The following KPNB1 variants were observed in gnomAD, a reference collection of about 807,000 sequenced individuals.
KPNB1 encodes the protein importin subunit beta-1.
Under a neutral mutation model 113.0 loss-of-function variants are expected in KPNB1, and 7 were observed. That is an observed-to-expected ratio of 0.06 (90% confidence interval 0.04 to 0.12). The LOEUF (loss-of-function observed/expected upper bound fraction) is 0.12, where lower values mean the gene tolerates loss of function less well. Among genes scored for constraint, KPNB1 ranks in the 10% least tolerant of loss-of-function variants. The probability of loss-of-function intolerance (pLI) is 1.00; values close to 1 mark genes in which losing one functional copy is unlikely to be tolerated. For synonymous variants in KPNB1, 363 were observed against 378.6 expected (o/e 0.96, Z 0.48); for missense variants, 400 against 1,054.8 (o/e 0.38, Z 8.60).
intron 9 of KPNB1, 70 bp from the exon 10 acceptor site, chr17:47,668,116 G>A (rs373279832): frequency 1.5e-5 from 19 of 1,235,648 alleles, no homozygotes; most frequent in African/African-American, 1.5e-4. Flanking sequence ...TTCAAGAGTA[G>A]TCAGAGGACC....
At chr17:47,680,196 GAGT>G in intron 20 of KPNB1, 62 bp downstream of exon 20, 1 of 1,186,688 alleles carries the variant, frequency 8.4e-7, no homozygotes, top group Middle Eastern at 1.9e-4. Context: ...AGAAAACATG[GAGT>G]AAGGAGTTTT....
At chr17:47,677,472 C>CAAAAAAAAAAAAAAAAAAAAAAAAAAAA (rs746941632) in intron 17 of KPNB1, among the ~76,000 whole-genome samples, 1 of 53,264 alleles carries the variant, frequency 1.9e-5, no homozygotes, top group African/African-American at 6.8e-5. Context: ...AACTCCGTCT[C>CAAAAAAAAAAAAAAAAAAAAAAAAAAAA]AAAAAAAAAA....
chr17:47,663,205 A>G, intron 7 of KPNB1, 27 bp downstream of exon 7: 1 of 1,178,870 alleles, frequency 8.5e-7, no homozygotes, highest in Non-Finnish European at 1.3e-6. Flanking sequence ...ATGTGATTTG[A>G]GCTTGTGGCT....
At position 47,684,017 on chromosome 17, in the gene KPNB1, C is replaced by G. The variant is rs1413564326; in HGVS notation, c.*1613C>G. The stretch of plus-strand genomic sequence containing the variant: ...GAGCTTTGATCCTCTTTTGGTTTTG[C>G]AGTTGTTAGGAGTTTTTGCTGGCAT... On this transcript the variant is annotated 3_prime_UTR_variant, in exon 22 of 22. Coordinates refer to ENST00000290158, the MANE Select transcript of KPNB1 (RefSeq NM_002265.6). 1 of 152,090 alleles carries G rather than the reference C, an allele frequency of 6.6e-6. No individual in the cohort carries two copies. The highest frequency in any genetic ancestry group is 1.5e-5 in the Non-Finnish European group (1 of 68,004). The allele number at this position is 152,090 out of a possible 1,614,324, so 9.4% of individuals were successfully genotyped here.
Position 47,656,879 on chromosome 17 carries a change from C to T in KPNB1, c.302C>T (p.Thr101Ile), listed in dbSNP as rs762212209. The T allele has an allele frequency of 6.2e-7, 1 of 1,614,102 alleles. No individual in the cohort carries two copies. Among genetic ancestry groups the T allele is most frequent in the Non-Finnish European group, 8.5e-7 (1 of 1,180,026 alleles). The change falls in exon 4 of 22, where the codon ACA (threonine) becomes ATA (isoleucine). Residue 101 changes from threonine to isoleucine, a missense_variant. Physicochemically the swap from Thr to Ile is moderately conservative, Grantham distance 89 (BLOSUM62 -1). Around this residue, in one of 2 missense-constraint regions of KPNB1, gnomAD observed 285 missense variants for 627.0 expected, o/e 0.45. Transcript: ENST00000290158. ...VKNYVLQTLG[T>I]ETYRPSSASQ... ...GTGCAGGTTTTGCAGACATTGGGTA[C>T]AGAAACTTACCGGCCTAGTTCTGCC...
chr17:47,664,989 C>T (rs2030223687), intron 8 of KPNB1, 68 bp from the exon 9 acceptor site: 1 of 1,082,854 alleles, frequency 9.2e-7, no homozygotes, highest in South Asian at 1.2e-5. Flanking sequence ...CTGTTCGGCT[C>T]TCATTGTATG....
chr17:47,665,980 GTGTTTGGATTAAAATGAAC>G (rs991329164), intron 9 of KPNB1, among the ~76,000 whole-genome samples: 9 of 152,190 alleles, frequency 5.9e-5, no homozygotes, highest in Admixed American at 5.9e-4. Context: ...AAGTAGGGAT[GTGTTTGGATTAAAATGAAC>G]TGGGTGTTCC....
chr17:47,681,231 G>A (rs951415821), intron 21 of KPNB1, among the ~76,000 whole-genome samples: 2 of 149,912 alleles, frequency 1.3e-5, no homozygotes, highest in Non-Finnish European at 3.0e-5. Flanking sequence ...CACCACACCC[G>A]ACTAATTTTC....
chr17:47,681,637 A>G (rs186370789), intron 21 of KPNB1, among the ~76,000 whole-genome samples: 19 of 135,460 alleles, frequency 1.4e-4, no homozygotes, highest in Admixed American at 8.3e-4. Flanking sequence ...TGAACTCCTG[A>G]TTTTAGGTGA....
rs560543684 is a variant in KPNB1 at position 47,683,159 on chromosome 17, G to GT, written c.*767dup. ...AAAGACGCTCTTTAGGTTTTGTTTTGTTTTTTTTTTTTGGTTTTGTTTTTT... is the reference window on the plus strand; with the variant it reads ...AAAGACGCTCTTTAGGTTTTGTTTTGTTTTTTTTTTTTTGGTTTTGTTTTTT... On this transcript the variant is annotated 3_prime_UTR_variant, in exon 22 of 22. Transcript: ENST00000290158. 0.14 allele frequency: 10,564 copies of GT among 77,702 alleles called. 524 individuals are homozygous for GT. The highest frequency in any genetic ancestry group is 0.24 in the South Asian group (581 of 2,446). 4.8% of individuals were successfully genotyped at this position (77,702 alleles called of 1,614,324 possible).
intron 9 of KPNB1, among the ~76,000 whole-genome samples, chr17:47,666,539 TTA>T (rs2030287150): frequency 9.7e-6 from 1 of 103,166 alleles, no homozygotes; most frequent in Non-Finnish European, 2.1e-5. Flanking sequence ...ATGTTATATA[TTA>T]TATATTATAT....
At chr17:47,653,058 T>C (rs1007655955) in intron 3 of KPNB1, among the ~76,000 whole-genome samples, 182 bp downstream of exon 3, 1 of 152,142 alleles carries the variant, frequency 6.6e-6, no homozygotes, top group Admixed American at 6.6e-5. Context: ...TCCATTCCCA[T>C]TGATGGATTG....
chr17:47,650,241 C>G lies in KPNB1; in HGVS notation c.-4C>G. The G allele has an allele frequency of 1.9e-6, 3 of 1,582,992 alleles. No homozygotes were observed. The highest frequency in any genetic ancestry group is 2.6e-6 in the Non-Finnish European group (3 of 1,168,180). On this transcript the variant is annotated 5_prime_UTR_variant, in exon 1 of 22. Coordinates refer to ENST00000290158, the MANE Select transcript of KPNB1 (RefSeq NM_002265.6). ...GAGGAGTCGCCGCCGCCGCCACCTCCGCCATGGAGCTGATCACCATTCTCG... is the reference window on the plus strand; with the variant it reads ...GAGGAGTCGCCGCCGCCGCCACCTCGGCCATGGAGCTGATCACCATTCTCG...
chr17:47,672,809 T>C (rs1302293493), intron 12 of KPNB1, among the ~76,000 whole-genome samples: 1 of 152,236 alleles, frequency 6.6e-6, no homozygotes, highest in Middle Eastern at 3.2e-3. Context: ...AAAGGGCCAT[T>C]CTAAATTTTA....
chr17:47,678,309 C>T lies in KPNB1; in HGVS notation c.2249C>T (p.Ser750Leu). 6.2e-7 allele frequency: 1 copy of T among 1,613,622 alleles called. No individual in the cohort carries two copies. Among genetic ancestry groups the T allele is most frequent in the Non-Finnish European group, 8.5e-7 (1 of 1,179,560 alleles). The change falls in exon 19 of 22, where the codon TCA becomes TTA. Residue 750 changes from serine (S) to leucine (L), a missense_variant and splice_region_variant. Ser to Leu is a moderately radical substitution (Grantham distance 145). Coordinates refer to ENST00000290158, the MANE Select transcript of KPNB1 (RefSeq NM_002265.6). ...GGTTCTGTTCTTTGTGTCTTACAGT[C>T]AGACTATGACATGGTGGATTATCTG... Reference protein sequence around the residue: ...QQASQAQVDKSDYDMVDYLNE... With the variant: ...QQASQAQVDKLDYDMVDYLNE...
chr17:47,662,964 A>T, intron 6 of KPNB1, 125 bp from the exon 7 acceptor site: 2 of 704,786 alleles, frequency 2.8e-6, no homozygotes, highest in East Asian at 5.2e-5. Context: ...AATTTTAGGG[A>T]AATGATAACG....
rs2143122972 is a variant in KPNB1, at chr17:47,663,780, T to C, written c.787-379T>C. 2.6e-5 allele frequency among the ~76,000 whole-genome samples: 4 copies of C among 151,816 alleles called. No homozygotes were observed. The South Asian group carries it at 8.3e-4, about 32-fold the overall frequency. ...CTGACAGATCGCTTGAGTCCAGGAG[T>C]TTGAGACCAGCCTAGGCAATATGGT... On this transcript the variant is annotated intron_variant, in intron 7 of 21. Coordinates refer to ENST00000290158, the MANE Select transcript of KPNB1 (RefSeq NM_002265.6).
At position 47,668,088 on chromosome 17, in the gene KPNB1, G is replaced by GT. The variant is rs2030345892; in HGVS notation, c.1000-95dup. ...AGGTCTTATATTTTATTTCCCTGGA[G>GT]TTTAAGTTCTAAAGACATTCAAGAG... On this transcript the variant is annotated intron_variant, in intron 9 of 21. Transcript: ENST00000290158. 6 of 882,772 alleles carry GT rather than the reference G, an allele frequency of 6.8e-6. No individual in the cohort carries two copies. The South Asian group carries it at 8.0e-5, about 12-fold the overall frequency. 54.7% of individuals were successfully genotyped at this position (882,772 alleles called of 1,614,324 possible). A position where few individuals can be genotyped will look rare whatever the true frequency, so the allele number is the denominator to read the frequency against.
At position 47,650,269 on chromosome 17, in the gene KPNB1, A is replaced by G; in HGVS notation, c.25A>G (p.Lys9Glu). ...CATGGAGCTGATCACCATTCTCGAGAAGACCGTGTCTCCCGGTAGGACGCA... is the reference window on the plus strand; with the variant it reads ...CATGGAGCTGATCACCATTCTCGAGGAGACCGTGTCTCCCGGTAGGACGCA... The part of the protein sequence containing the change: MELITILE[K>E]TVSPDRLELE... The change falls in exon 1 of 22, where the codon AAG becomes GAG. Residue 9 changes from lysine (K) to glutamate (E), a missense_variant. Physicochemically the swap from Lys to Glu is moderately conservative, Grantham distance 56. Around this residue, in one of 2 missense-constraint regions of KPNB1, gnomAD observed 285 missense variants for 627.0 expected, o/e 0.45. Coordinates refer to ENST00000290158, the MANE Select transcript of KPNB1 (RefSeq NM_002265.6). 1 of 1,602,202 alleles carries G rather than the reference A, an allele frequency of 6.2e-7. No individual in the cohort carries two copies. The highest frequency in any genetic ancestry group is 8.5e-7 in the Non-Finnish European group (1 of 1,174,770).
Sources: allele counts gnomAD v4.1 joint callset (sites outside exome capture counted in the v4.1 genomes callset), GRCh38; gene constraint gnomAD v4.1.1; regional missense constraint gnomAD v4.1.1; transcripts MANE v1.5; gene names NCBI Gene and HGNC (gene_info 2026-07-23, HGNC 2026-07-21).